The following FHOD3 variants were observed in gnomAD, a reference collection of about 807,000 sequenced individuals.
The protein encoded by FHOD3 is formin homology 2 domain containing 3.
In FHOD3, 90 loss-of-function variants were observed where a neutral mutation model predicts 173.0. The observed-to-expected ratio is 0.52, with a 90% CI of 0.44 to 0.62. The LOEUF is 0.62. Ranked by LOEUF, FHOD3 falls within the 20% of genes least tolerant of loss-of-function variation. The pLI is 0.00. For missense variants in FHOD3, 1,945 were observed against 2,034.7 expected, an observed-to-expected ratio of 0.96 and a Z score of 0.85; for synonymous variants, 828 against 823.0, an observed-to-expected ratio of 1.01 and a Z score of -0.10.
intron 5 of FHOD3, among the ~76,000 whole-genome samples, chr18:36,513,370 A>G (rs912739795): frequency 2.0e-5 from 3 of 152,182 alleles, no homozygotes; most frequent in Non-Finnish European, 2.9e-5. Context: ...AATAAAGTCA[A>G]TTCCCATAGT....
intron 6 of FHOD3, 27 bp downstream of exon 6, chr18:36,576,572 T>C (rs1221892266): frequency 6.5e-7 from 1 of 1,543,924 alleles, no homozygotes; most frequent in Admixed American, 1.8e-5. Context: ...GTTGACTGTT[T>C]TGTTCACTTG....
intron 28 of FHOD3, among the ~76,000 whole-genome samples, chr18:36,774,918 C>T (rs9958219): frequency 0.07 from 10,698 of 152,088 alleles, 1,286 homozygotes; most frequent in African/African-American, 0.25. Flanking sequence ...TGAAAATTAC[C>T]GGCCAGTTAT....
chr18:36,604,115 A>G (rs2031774578), intron 8 of FHOD3, among the ~76,000 whole-genome samples: 1 of 152,178 alleles, frequency 6.6e-6, no homozygotes, highest in African/African-American at 2.4e-5. Context: ...CTGACCCAGA[A>G]CAGGCCCAGT....
intron 6 of FHOD3, among the ~76,000 whole-genome samples, chr18:36,594,475 G>A (rs938712458): frequency 3.3e-5 from 5 of 152,232 alleles, no homozygotes; most frequent in African/African-American, 7.2e-5. Flanking sequence ...GCACATACTC[G>A]TGTTTGAGAG....
intron 1 of FHOD3, 28 bp downstream of exon 1, chr18:36,298,028 C>T (rs750542446): frequency 1.3e-6 from 2 of 1,481,664 alleles, no homozygotes; most frequent in East Asian, 5.8e-5. Context: ...GGGCTGGGCC[C>T]CCTGGACTCA....
intron 3 of FHOD3, among the ~76,000 whole-genome samples, chr18:36,492,164 CATATT>C (rs758277083): frequency 1.6e-4 from 25 of 152,184 alleles, no homozygotes; most frequent in Non-Finnish European, 3.4e-4. Flanking sequence ...CATTTATTGA[CATATT>C]AGATGCTGGG....
intron 15 of FHOD3, among the ~76,000 whole-genome samples, chr18:36,684,697 A>G (rs2038486060): frequency 6.6e-6 from 1 of 152,188 alleles, no homozygotes; most frequent in African/African-American, 2.4e-5. Flanking sequence ...TGAAAGAAAA[A>G]TGAACAAAGC....
intron 3 of FHOD3, among the ~76,000 whole-genome samples, chr18:36,416,031 T>C (rs566824205): frequency 2.0e-5 from 3 of 152,180 alleles, no homozygotes; most frequent in Non-Finnish European, 2.9e-5. Flanking sequence ...TACATAGGTG[T>C]CATTTTTTAT....
At chr18:36,755,454 G>C (rs2150207434) in intron 25 of FHOD3, 143 bp downstream of exon 25, 1 of 596,042 alleles carries the variant, frequency 1.7e-6, no homozygotes, top group South Asian at 3.9e-5. Flanking sequence ...CTTTTAAAAA[G>C]TGCTCTTAAA....
intron 18 of FHOD3, chr18:36,711,551 C>T (rs1344697854): frequency 6.6e-6 from 1 of 152,146 alleles, no homozygotes; most frequent in Non-Finnish European, 1.5e-5. Flanking sequence ...CATCGTGAGT[C>T]CTCACTTCCT....
chr18:36,596,129 T>A (rs1437300680), intron 7 of FHOD3, among the ~76,000 whole-genome samples: 2 of 151,920 alleles, frequency 1.3e-5, no homozygotes, highest in Non-Finnish European at 2.9e-5. Flanking sequence ...AAACCATTTG[T>A]GTCTGTGATT....
intron 18 of FHOD3, among the ~76,000 whole-genome samples, chr18:36,712,903 CCAGTCCAAATGA>C (rs2040249147): frequency 6.6e-6 from 1 of 151,732 alleles, no homozygotes; most frequent in Admixed American, 6.6e-5. Context: ...TAGGGGAACA[CCAGTCCAAATGA>C]CAGCACATTG....
intron 2 of FHOD3, among the ~76,000 whole-genome samples, chr18:36,358,326 T>C (rs1000106159): frequency 2.0e-5 from 3 of 152,270 alleles, no homozygotes; most frequent in Non-Finnish European, 2.9e-5. Context: ...ACAGCTTTGC[T>C]GCCATCATCC....
chr18:36,560,842 G>GTTTTT (rs1318480145), intron 5 of FHOD3, among the ~76,000 whole-genome samples: 9 of 127,560 alleles, frequency 7.1e-5, no homozygotes, highest in Admixed American at 1.6e-4. Context: ...TTTTTTTTCT[G>GTTTTT]TTTTTTTTTT....
chr18:36,392,417 C>G (rs1230809411), intron 3 of FHOD3, among the ~76,000 whole-genome samples: 1 of 152,204 alleles, frequency 6.6e-6, no homozygotes, highest in African/African-American at 2.4e-5. Flanking sequence ...TCCCAAAACC[C>G]TCTCAAGTTT....
intron 7 of FHOD3, 30 bp from the exon 8 acceptor site, chr18:36,602,644 T>C (rs765627789): frequency 6.8e-7 from 1 of 1,460,158 alleles, no homozygotes; most frequent in Non-Finnish European, 9.6e-7. Context: ...GATGAATTGC[T>C]GTTTCTAATG....
At position 36,570,619 on chromosome 18, in the gene FHOD3, C is replaced by CA. The variant is rs957328295; in HGVS notation, c.512-5826dup. ...ACAATATTTATTATGAACAAAGATG[C>CA]AAAAAATCCTCAACAAATATTAGTA... On this transcript the variant is annotated intron_variant, in intron 5 of 28. Transcript: ENST00000590592. 2.6e-5 allele frequency among the ~76,000 whole-genome samples: 4 copies of CA among 151,832 alleles called. No individual in the cohort carries two copies. In the South Asian group the frequency reaches 8.3e-4, roughly 31 times the overall value.
At chr18:36,670,135 T>C (rs921525337) in intron 14 of FHOD3, among the ~76,000 whole-genome samples, 3 of 152,118 alleles carry the variant, frequency 2.0e-5, no homozygotes, top group Non-Finnish European at 4.4e-5. Flanking sequence ...ATGTAACATA[T>C]CATTTTTTTC....
chr18:36,687,854 T>A (rs537734696), intron 16 of FHOD3, among the ~76,000 whole-genome samples: 41 of 152,370 alleles, frequency 2.7e-4, no homozygotes, highest in African/African-American at 9.9e-4. Flanking sequence ...TCTTTGTGGT[T>A]TGTGATGCTA....
Sources: allele counts gnomAD v4.1 joint callset (sites outside exome capture counted in the v4.1 genomes callset), GRCh38; gene constraint gnomAD v4.1.1; transcripts MANE v1.5; gene names NCBI Gene and HGNC (gene_info 2026-07-23, HGNC 2026-07-21).